Variants in SAP130 observed in about 807,000 individuals in gnomAD.
The protein encoded by SAP130 is Sin3A associated protein 130, also known as histone deacetylase complex subunit SAP130.
In SAP130, 16 loss-of-function variants were observed where a neutral mutation model predicts 103.2. The observed-to-expected ratio is 0.16, with a 90% CI of 0.10 to 0.24. The LOEUF (loss-of-function observed/expected upper bound fraction) is 0.24, where lower values mean the gene tolerates loss of function less well. Among genes scored for constraint, SAP130 ranks in the 10% least tolerant of loss-of-function variants. SAP130 has a pLI of 1.00. For synonymous variants in SAP130, 477 were observed against 497.0 expected (o/e 0.96, Z 0.53); for missense variants, 990 against 1,359.7 (o/e 0.73, Z 4.28).
At chr2:127,962,817 A>T (rs1471624528) in intron 15 of SAP130, among the ~76,000 whole-genome samples, 3 of 152,048 alleles carry the variant, frequency 2.0e-5, no homozygotes, top group Non-Finnish European at 1.5e-5. Context: ...AACACGGCAC[A>T]TGTATACATA....
intron 15 of SAP130, among the ~76,000 whole-genome samples, chr2:127,973,635 T>G (rs1681249374): frequency 6.6e-6 from 1 of 152,214 alleles, no homozygotes; most frequent in African/African-American, 2.4e-5. Context: ...CTAACCTGAT[T>G]TTTTTCCTGC....
intron 2 of SAP130, among the ~76,000 whole-genome samples, chr2:128,018,330 AAC>A (rs1350156195): frequency 1.0e-4 from 15 of 143,764 alleles, no homozygotes; most frequent in Admixed American, 8.8e-4. Flanking sequence ...AAAAAAAAAA[AAC>A]AAACCAAAAA....
rs114202895 is a variant in SAP130, at chr2:128,008,173, T to C, written c.869+2096A>G. On this transcript the variant is annotated intron_variant, in intron 7 of 20. Transcript: ENST00000643581. ...AGTGAATCTCTTCTTGTCTGCACTA[T>C]TGCCAAAGGCTCCCTTCCCTCAACA... Among the ~76,000 whole-genome samples, 1,087 of 152,324 alleles carry C rather than the reference T, an allele frequency of 7.1e-3. 19 individuals carry two copies. Among genetic ancestry groups the C allele is most frequent in the African/African-American group, 0.025 (1,041 of 41,574 alleles).
Position 127,942,592 on chromosome 2 carries a change from AC to A in SAP130, c.2902-56del. On this transcript the variant is annotated intron_variant, in intron 19 of 20. Transcript: ENST00000643581. This position sits in a 1 kb window ranked among gnomAD's most constrained non-coding sequence, Gnocchi z 4.8. The stretch of plus-strand genomic sequence containing the variant: ...AGCTCGGAAATATTTTTCTATGTCA[AC>A]CCCAGGCAAATGAACCCACCTTCAA... The A allele has an allele frequency of 2.7e-6, 3 of 1,105,728 alleles. No individual in the cohort carries two copies. Among genetic ancestry groups the A allele is most frequent in the Non-Finnish European group, 2.8e-6 (2 of 723,072 alleles). The allele number at this position is 1,105,728 out of a possible 1,614,324, so 68.5% of individuals were successfully genotyped here.
chr2:127,974,898 G>C (rs924643698), intron 15 of SAP130, among the ~76,000 whole-genome samples: 3 of 152,188 alleles, frequency 2.0e-5, no homozygotes, highest in Admixed American at 2.0e-4. Flanking sequence ...ATTCAGTACA[G>C]TAAAGTCCTG....
intron 2 of SAP130, among the ~76,000 whole-genome samples, chr2:128,018,483 C>CAAAAAAAA (rs759445928): frequency 2.9e-5 from 2 of 69,480 alleles, no homozygotes; most frequent in African/African-American, 1.3e-4. Context: ...AGATTGTCTC[C>CAAAAAAAA]AAAAAAAAAA....
chr2:128,012,881 A>G, intron 6 of SAP130, 149 bp downstream of exon 6: 1 of 655,576 alleles, frequency 1.5e-6, no homozygotes, highest in Non-Finnish European at 2.3e-6. Context: ...CTGCATTCTT[A>G]CAGCTTGCCA....
chr2:127,957,201 C>T (rs748673309), intron 15 of SAP130, among the ~76,000 whole-genome samples: 4 of 151,980 alleles, frequency 2.6e-5, no homozygotes, highest in Non-Finnish European at 5.9e-5. Context: ...ACTAAGGAGG[C>T]TGAGGCAGGA....
chr2:127,999,616 GAA>G (rs67585632), intron 10 of SAP130, 123 bp downstream of exon 10: 455 of 372,526 alleles, frequency 1.2e-3, no homozygotes, highest in Middle Eastern at 1.4e-3. Context: ...AAAAAGAAAA[GAA>G]AAAAAAAAAA....
chr2:128,027,314 C>A, intron 1 of SAP130: 1 of 1,152,750 alleles, frequency 8.7e-7, no homozygotes, highest in African/African-American at 1.6e-5. Flanking sequence ...CCTGCCCCTG[C>A]CTCCCCCGCC....
At chr2:128,011,340 C>A (rs1478876746) in intron 6 of SAP130, among the ~76,000 whole-genome samples, 1 of 152,226 alleles carries the variant, frequency 6.6e-6, no homozygotes, top group Non-Finnish European at 1.5e-5. Context: ...ATAAGCTCCA[C>A]ACTGGGCTTC....
At position 127,950,198 on chromosome 2, in the gene SAP130, T is replaced by A; in HGVS notation, c.2633A>T (p.Lys878Met). ...EKSTAKSLLVKAEKRKSPPKE... is the reference protein window; with the variant it reads ...EKSTAKSLLVMAEKRKSPPKE... ...GGGAGGAGACTTGCGCTTCTCAGCCTTCACCAGAAGACTCTTGGCAGTGGA... is the reference window on the plus strand; with the variant it reads ...GGGAGGAGACTTGCGCTTCTCAGCCATCACCAGAAGACTCTTGGCAGTGGA... Residue 878 changes from lysine (K) to methionine (M), a missense_variant, in exon 17 of 21, where the codon AAG becomes ATG. Physicochemically the swap from Lys to Met is moderately conservative, Grantham distance 95. Coordinates refer to ENST00000643581, the MANE Select transcript of SAP130 (RefSeq NM_001330301.2). 6.2e-7 allele frequency: 1 copy of A among 1,614,220 alleles called. No individual in the cohort carries two copies. Among genetic ancestry groups the A allele is most frequent in the Non-Finnish European group, 8.5e-7 (1 of 1,180,042 alleles).
In SAP130 at chr2:127,942,763, TG is replaced by T. The variant is rs1678798371; in HGVS notation, c.2902-227del. 6.6e-6 allele frequency among the ~76,000 whole-genome samples: 1 copy of T among 151,604 alleles called. No homozygotes were observed. The highest frequency in any genetic ancestry group is 2.4e-5 in the African/African-American group (1 of 41,292). ...CAGCACTTTGGGAGGTCGAGGCGGG[TG>T]GATCACCTGAGGTCCAGAGTTTGAG... is the stretch of plus-strand genomic sequence containing the variant. On this transcript the variant is annotated intron_variant, in intron 19 of 20. Transcript: ENST00000643581. The surrounding 1 kb of genome is among the most constrained non-coding windows in gnomAD (Gnocchi z 4.8).
chr2:128,020,402 A>G (rs1685072775), intron 2 of SAP130, among the ~76,000 whole-genome samples: 1 of 152,236 alleles, frequency 6.6e-6, no homozygotes, highest in Admixed American at 6.5e-5. Flanking sequence ...TTACGTAAAC[A>G]GACTTATAAC....
chr2:127,945,833 TG>T (rs1254174087), intron 18 of SAP130, among the ~76,000 whole-genome samples: 1 of 152,114 alleles, frequency 6.6e-6, no homozygotes, highest in Non-Finnish European at 1.5e-5. Flanking sequence ...TTGTATTTTT[TG>T]TAGAGATGAG....
chr2:127,990,381 A>G (rs1682704360), intron 12 of SAP130, among the ~76,000 whole-genome samples: 1 of 152,192 alleles, frequency 6.6e-6, no homozygotes, highest in Non-Finnish European at 1.5e-5. Context: ...AAAGAAAACA[A>G]GAGCATTCAC....
At chr2:127,995,930 C>A (rs1402055553) in intron 11 of SAP130, among the ~76,000 whole-genome samples, 1 of 152,176 alleles carries the variant, frequency 6.6e-6, no homozygotes, top group Non-Finnish European at 1.5e-5. Context: ...CCTAAAACAA[C>A]TGGCCTCTCC....
chr2:128,027,725 G>A (rs1190487211), intron 1 of SAP130, among the ~76,000 whole-genome samples: 1 of 146,300 alleles, frequency 6.8e-6, no homozygotes, highest in Admixed American at 6.9e-5. Context: ...ACCCCTCCCG[G>A]TGCCTCTCCC....
At chr2:127,961,467 C>A (rs1221861257) in intron 15 of SAP130, among the ~76,000 whole-genome samples, 2 of 151,750 alleles carry the variant, frequency 1.3e-5, no homozygotes, top group African/African-American at 4.8e-5. Flanking sequence ...TTTTCTTACC[C>A]AACTTCCCTG....
Sources: gnomAD v4.1 joint callset for allele counts (sites outside exome capture counted in the v4.1 genomes callset) on GRCh38, gnomAD v4.1.1 for gene constraint, Gnocchi (gnomAD v3.1) non-coding constraint, MANE v1.5 for transcripts, NCBI Gene and HGNC (gene_info 2026-07-23, HGNC 2026-07-21) for gene names.